B3GALT1: variants seen among roughly 807,000 people sequenced by gnomAD.
The protein encoded by B3GALT1 is beta-1,3-galactosyltransferase 1, also known as UDP-Gal:betaGlcNAc beta 1,3-galactosyltransferase, polypeptide 1.
B3GALT1 carries 10 observed loss-of-function variants against 23.2 expected under a neutral mutation model. That is an observed-to-expected ratio of 0.43 (90% CI 0.27 to 0.73). B3GALT1 has a LOEUF of 0.73. Ranked by LOEUF, B3GALT1 falls within the 30% of genes least tolerant of loss-of-function variation. B3GALT1 has a pLI of 0.21. For synonymous variants in B3GALT1, 156 were observed against 141.5 expected, an observed-to-expected ratio of 1.10 and a Z score of -0.73; for missense variants, 299 against 405.4, an observed-to-expected ratio of 0.74 and a Z score of 2.25.
At chr2:167,320,079 A>C (rs2105492217) in intron 1 of B3GALT1, among the ~76,000 whole-genome samples, 1 of 152,208 alleles carries the variant, frequency 6.6e-6, no homozygotes, top group East Asian at 1.9e-4. Context: ...TTCTTTTTGA[A>C]ATAAAATAAA....
chr2:167,556,659 G>C (rs985237855), intron 2 of B3GALT1, among the ~76,000 whole-genome samples: 5 of 152,146 alleles, frequency 3.3e-5, no homozygotes, highest in African/African-American at 1.2e-4. Flanking sequence ...TTACCAAAGA[G>C]TTGTAGGAAA....
chr2:167,322,023 A>C (rs912762160), intron 1 of B3GALT1, among the ~76,000 whole-genome samples: 1 of 152,066 alleles, frequency 6.6e-6, no homozygotes, highest in African/African-American at 2.4e-5. Context: ...AGGCAGTGAC[A>C]TAGTTGATTC....
intron 3 of B3GALT1, among the ~76,000 whole-genome samples, chr2:167,686,698 C>G (rs1383475780): frequency 6.6e-6 from 1 of 152,174 alleles, no homozygotes; most frequent in African/African-American, 2.4e-5. Flanking sequence ...CGTGCTCATG[C>G]CAACATGTCC....
chr2:167,438,341 G>A (rs1389768324), intron 1 of B3GALT1, among the ~76,000 whole-genome samples: 1 of 152,198 alleles, frequency 6.6e-6, no homozygotes, highest in African/African-American at 2.4e-5. Context: ...TGCCTGACAT[G>A]CTTGGAAAAC....
intron 2 of B3GALT1, among the ~76,000 whole-genome samples, chr2:167,606,144 A>G (rs1387736032): frequency 6.6e-6 from 1 of 152,140 alleles, no homozygotes; most frequent in Admixed American, 6.6e-5. Context: ...TGCTCCTCCT[A>G]GTTCTTCCAA....
chr2:167,835,830 C>A (rs541883184), intron 4 of B3GALT1, among the ~76,000 whole-genome samples: 30 of 152,312 alleles, frequency 2.0e-4, no homozygotes, highest in East Asian at 1.9e-4. Context: ...TGAGACAAAA[C>A]TTCCAGAGGA....
intron 1 of B3GALT1, among the ~76,000 whole-genome samples, chr2:167,404,830 A>G (rs1318203423): frequency 1.3e-5 from 2 of 152,146 alleles, no homozygotes; most frequent in Non-Finnish European, 2.9e-5. Flanking sequence ...TATTCCTCAG[A>G]GTTTATGATA....
intron 1 of B3GALT1, among the ~76,000 whole-genome samples, chr2:167,454,706 A>G (rs559601439): frequency 1.1e-4 from 17 of 152,268 alleles, no homozygotes; most frequent in East Asian, 3.9e-4. Flanking sequence ...GTAATAAACA[A>G]AATTCCCATC....
At chr2:167,443,690 A>T (rs1340601687) in intron 1 of B3GALT1, among the ~76,000 whole-genome samples, 1 of 152,114 alleles carries the variant, frequency 6.6e-6, no homozygotes, top group African/African-American at 2.4e-5. Context: ...GTATATAGGA[A>T]TGTTTGTGAT....
intron 1 of B3GALT1, among the ~76,000 whole-genome samples, chr2:167,331,066 A>G (rs1266989568): frequency 6.6e-6 from 1 of 152,112 alleles, no homozygotes; most frequent in African/African-American, 2.4e-5. Flanking sequence ...GGATACATAC[A>G]GTAGTACAGT....
At chr2:167,565,065 A>G (rs566115975) in intron 2 of B3GALT1, among the ~76,000 whole-genome samples, 36 of 152,316 alleles carry the variant, frequency 2.4e-4, no homozygotes, top group African/African-American at 8.4e-4. Context: ...CCTAAGCCAA[A>G]AGAGCAAAGC....
chr2:167,594,917 A>G (rs1234611573), intron 2 of B3GALT1, among the ~76,000 whole-genome samples: 12 of 152,104 alleles, frequency 7.9e-5, no homozygotes, highest in Non-Finnish European at 1.8e-4. Flanking sequence ...AAAAAAAAAG[A>G]AAAGAAACAA....
chr2:167,550,395 G>C (rs1311633437), intron 2 of B3GALT1, among the ~76,000 whole-genome samples: 3 of 152,148 alleles, frequency 2.0e-5, no homozygotes, highest in Non-Finnish European at 4.4e-5. Flanking sequence ...GTGGCATTTT[G>C]ACTAAGAGCA....
chr2:167,324,482 G>T (rs1396542761), intron 1 of B3GALT1, among the ~76,000 whole-genome samples: 1 of 152,050 alleles, frequency 6.6e-6, no homozygotes, highest in Non-Finnish European at 1.5e-5. Context: ...AACAAAAAAT[G>T]TGCTTAACAT....
Position 167,796,244 on chromosome 2 carries a change from G to A in B3GALT1, c.-351-22428G>A, listed in dbSNP as rs564869372. ...AATGCAAATCTAAACAAGGCCTGTG[G>A]CCATTCGTGACAATAATAATTTTTA... On this transcript the variant is annotated intron_variant, in intron 3 of 4. Coordinates refer to ENST00000392690, the MANE Select transcript of B3GALT1 (RefSeq NM_020981.4). Among the ~76,000 whole-genome samples, 11 of 152,156 alleles carry A rather than the reference G, an allele frequency of 7.2e-5. No homozygotes were observed. The South Asian group carries it at 1.0e-3, about 14-fold the overall frequency.
chr2:167,421,945 A>G (rs2105302031), intron 1 of B3GALT1, among the ~76,000 whole-genome samples: 1 of 152,328 alleles, frequency 6.6e-6, no homozygotes, highest in South Asian at 2.1e-4. Flanking sequence ...TTCAAATATT[A>G]TCACACAAAA....
chr2:167,341,838 A>G (rs1034764044), intron 1 of B3GALT1, among the ~76,000 whole-genome samples: 2 of 152,198 alleles, frequency 1.3e-5, no homozygotes, highest in Non-Finnish European at 2.9e-5. Context: ...TATTTATCCA[A>G]TGAGCTTATC....
intron 1 of B3GALT1, among the ~76,000 whole-genome samples, chr2:167,349,288 G>A (rs1697274569): frequency 6.6e-6 from 1 of 152,048 alleles, no homozygotes; most frequent in Non-Finnish European, 1.5e-5. Flanking sequence ...CTTTTGTCCA[G>A]CCTATCCACA....
Position 167,838,813 on chromosome 2 carries a change from A to G in B3GALT1, c.-230+20020A>G, listed in dbSNP as rs1244589451. On this transcript the variant is annotated intron_variant, in intron 4 of 4. Transcript: ENST00000392690. ...GGCAAACCAAATCCAGCAGCACATC[A>G]AAAAGCTTATCCACCATGATCAAGT... Among the ~76,000 whole-genome samples the G allele has an allele frequency of 8.0e-4, 122 of 151,726 alleles. No homozygotes were observed. In the East Asian group the frequency reaches 0.011, roughly 14 times the overall value.
Sources: allele counts gnomAD v4.1 joint callset (sites outside exome capture counted in the v4.1 genomes callset), GRCh38; gene constraint gnomAD v4.1.1; transcripts MANE v1.5; gene names NCBI Gene and HGNC (gene_info 2026-07-23, HGNC 2026-07-21).